RBFOX1: variants seen among roughly 807,000 people sequenced by gnomAD.
RBFOX1 encodes the protein RNA binding protein fox-1 homolog 1.
A neutral mutation model predicts 57.7 loss-of-function variants in RBFOX1; 8 were observed. The observed-to-expected ratio is 0.14, with a 90% CI of 0.08 to 0.25. The LOEUF is 0.25. Ranked by LOEUF, RBFOX1 falls within the 10% of genes least tolerant of loss-of-function variation. RBFOX1 has a pLI of 1.00. For synonymous variants in RBFOX1, 326 were observed against 222.4 expected (o/e 1.47, Z -4.15); for missense variants, 611 against 548.5 (o/e 1.11, Z -1.14).
intron 1 of RBFOX1, among the ~76,000 whole-genome samples, chr16:6,036,659 T>C (rs2095369339): frequency 6.6e-6 from 1 of 152,198 alleles, no homozygotes; most frequent in African/African-American, 2.4e-5. Flanking sequence ...CACTTTTAGA[T>C]GTTTTAGTCT....
intron 1 of RBFOX1, among the ~76,000 whole-genome samples, chr16:5,418,179 T>C (rs1407767734): frequency 6.6e-6 from 1 of 152,230 alleles, no homozygotes; most frequent in African/African-American, 2.4e-5. Flanking sequence ...CTTATGCCCA[T>C]CTTTAAAAGC....
intron 1 of RBFOX1, among the ~76,000 whole-genome samples, chr16:6,021,142 T>C (rs773968133): frequency 3.0e-4 from 46 of 152,140 alleles, no homozygotes; most frequent in Non-Finnish European, 6.3e-4. Flanking sequence ...TGTGGTGAAA[T>C]AGCTTTGTTG....
intron 1 of RBFOX1, among the ~76,000 whole-genome samples, chr16:6,140,666 C>G (rs1371713163): frequency 1.3e-5 from 2 of 152,192 alleles, no homozygotes; most frequent in Admixed American, 1.3e-4. Context: ...GTCTGTGTAA[C>G]TTGGATCTCT....
chr16:5,856,601 A>ATATATATATG (rs1321996342), intron 3 of RBFOX1, among the ~76,000 whole-genome samples: 6 of 107,304 alleles, frequency 5.6e-5, no homozygotes, highest in African/African-American at 2.2e-4. Flanking sequence ...ATATATATAT[A>ATATATATATG]TATAATCTTA....
At chr16:7,618,432 C>A (rs184008982) in intron 10 of RBFOX1, among the ~76,000 whole-genome samples, 1 of 152,106 alleles carries the variant, frequency 6.6e-6, no homozygotes, top group Non-Finnish European at 1.5e-5. Flanking sequence ...AATTACTAAT[C>A]TAGTGCCTAG....
intron 2 of RBFOX1, among the ~76,000 whole-genome samples, chr16:6,434,179 A>T (rs1173360400): frequency 6.6e-6 from 1 of 152,024 alleles, no homozygotes; most frequent in African/African-American, 2.4e-5. Context: ...AACATAAGAC[A>T]CACCTGGGTT....
intron 1 of RBFOX1, among the ~76,000 whole-genome samples, chr16:5,372,867 T>TA (rs1441654885): frequency 6.6e-6 from 1 of 152,206 alleles, no homozygotes; most frequent in Non-Finnish European, 1.5e-5. Context: ...TGTGATCCTT[T>TA]TTGAATCAAA....
intron 4 of RBFOX1, among the ~76,000 whole-genome samples, chr16:7,454,180 C>T (rs1389113361): frequency 6.6e-6 from 1 of 152,166 alleles, no homozygotes; most frequent in African/African-American, 2.4e-5. Context: ...TCCCAGTGAG[C>T]CGAAATCATG....
intron 3 of RBFOX1, among the ~76,000 whole-genome samples, chr16:5,686,675 A>AT (rs2050514840): frequency 6.6e-6 from 1 of 152,192 alleles, no homozygotes; most frequent in African/African-American, 2.4e-5. Flanking sequence ...AGTACTTAGT[A>AT]TTGAGGGTAA....
At chr16:6,695,126 A>G (rs923281224) in intron 3 of RBFOX1, among the ~76,000 whole-genome samples, 1 of 151,722 alleles carries the variant, frequency 6.6e-6, no homozygotes, top group Non-Finnish European at 1.5e-5. Context: ...TGTAAAAAGG[A>G]AAAAAAACAA....
chr16:5,917,483 G>A (rs2058732178), intron 4 of RBFOX1, among the ~76,000 whole-genome samples: 1 of 152,164 alleles, frequency 6.6e-6, no homozygotes, highest in African/African-American at 2.4e-5. Flanking sequence ...GTCGGATCGG[G>A]ACCTCATAAT....
intron 1 of RBFOX1, among the ~76,000 whole-genome samples, chr16:6,199,224 C>G (rs1598305237): frequency 6.6e-6 from 1 of 152,126 alleles, no homozygotes. Context: ...AATGCACATT[C>G]TTAATAATTT....
intron 3 of RBFOX1, among the ~76,000 whole-genome samples, chr16:7,017,159 C>T (rs893375891): frequency 6.6e-6 from 1 of 152,126 alleles, no homozygotes; most frequent in Admixed American, 6.6e-5. Context: ...AAGGTGCAAA[C>T]AGAGTCGCGG....
chr16:6,147,022 C>G (rs1054356897), intron 1 of RBFOX1, among the ~76,000 whole-genome samples: 3 of 152,184 alleles, frequency 2.0e-5, no homozygotes, highest in African/African-American at 7.2e-5. Context: ...CATCTGTAGA[C>G]TCACTGCATC....
intron 4 of RBFOX1, among the ~76,000 whole-genome samples, chr16:7,147,248 G>T (rs1013795716): frequency 3.2e-4 from 48 of 150,150 alleles, no homozygotes; most frequent in Non-Finnish European, 7.0e-4. Context: ...CAAGTGATCC[G>T]CCCACCTCAG....
At chr16:6,011,373 GT>G (rs553486931) in intron 4 of RBFOX1, among the ~76,000 whole-genome samples, 73 of 147,264 alleles carry the variant, frequency 5.0e-4, no homozygotes, top group Middle Eastern at 3.6e-3. Context: ...TTTACAGAGT[GT>G]TTTTTTTTTA....
chr16:6,378,196 C>T (rs1440181243), intron 2 of RBFOX1, among the ~76,000 whole-genome samples: 2 of 152,224 alleles, frequency 1.3e-5, no homozygotes, highest in Admixed American at 6.5e-5. Context: ...GATGTTTGTC[C>T]TCGCCTCAGC....
chr16:6,783,088 C>G (rs1188845216), intron 3 of RBFOX1, among the ~76,000 whole-genome samples: 3 of 151,640 alleles, frequency 2.0e-5, no homozygotes, highest in Admixed American at 2.0e-4. Flanking sequence ...CATGGCATAT[C>G]TTTTTCTGTT....
At position 5,908,068 on chromosome 16, in the gene RBFOX1, A is replaced by ATGTGTGTGTGTG. The variant is rs527468172; in HGVS notation, c.351+40736_351+40737insGTGTGTGTGTGT. Reference sequence around the variant, plus strand: ...ACCTGGTAGATGTATGTATGTGTGTATGTATATATATATATATACACATAT... The same window carrying ATGTGTGTGTGTG: ...ACCTGGTAGATGTATGTATGTGTGTATGTGTGTGTGTGTGTATATATATATATATACACATAT... On this transcript the variant is annotated intron_variant, in intron 4 of 19. Coordinates refer to the RBFOX1 transcript ENST00000641259. Among the ~76,000 whole-genome samples, 81 of 106,560 alleles carry ATGTGTGTGTGTG rather than the reference A, an allele frequency of 7.6e-4. 2 individuals carry two copies. The highest frequency in any genetic ancestry group is 3.3e-3 in the African/African-American group (76 of 22,744). 69.9% of individuals were successfully genotyped at this position (106,560 alleles called of 152,430 possible). A position where few individuals can be genotyped will look rare whatever the true frequency, so the allele number is the denominator to read the frequency against.
Sources: gnomAD v4.1 joint callset for allele counts (sites outside exome capture counted in the v4.1 genomes callset) on GRCh38, gnomAD v4.1.1 for gene constraint, MANE v1.5 for transcripts, NCBI Gene and HGNC (gene_info 2026-07-23, HGNC 2026-07-21) for gene names.